Variants in ARHGAP23 observed in about 807,000 individuals in gnomAD.
ARHGAP23 encodes the protein rho GTPase-activating protein 23.
In ARHGAP23, 34 loss-of-function variants were observed where a neutral mutation model predicts 136.3. That is an observed-to-expected ratio of 0.25 (90% confidence interval 0.19 to 0.33). The LOEUF (loss-of-function observed/expected upper bound fraction) is 0.33, where lower values mean the gene tolerates loss of function less well. Among genes scored for constraint, ARHGAP23 ranks in the 10% least tolerant of loss-of-function variants. ARHGAP23 has a pLI of 1.00. For missense variants in ARHGAP23, 1,808 were observed against 2,139.0 expected (o/e 0.85, Z 3.05); for synonymous variants, 832 against 920.5 (o/e 0.90, Z 1.74).
At chr17:38,461,710 CT>C (rs11439918) in intron 3 of ARHGAP23, among the ~76,000 whole-genome samples, 121,942 of 152,082 alleles carry the variant, frequency 0.8, 49,262 homozygotes, top group East Asian at 0.97. Context: ...CTTGGAGTCC[CT>C]TGAGCCTGGG....
chr17:38,463,506 A>G (rs2039510394), intron 6 of ARHGAP23, 124 bp downstream of exon 6: 3 of 1,183,692 alleles, frequency 2.5e-6, no homozygotes, highest in Non-Finnish European at 3.6e-6. Flanking sequence ...TGGGGATGCC[A>G]GGCCCCTCCC....
At chr17:38,435,177 G>A (rs2038768533) in intron 1 of ARHGAP23, among the ~76,000 whole-genome samples, 1 of 152,182 alleles carries the variant, frequency 6.6e-6, no homozygotes, top group Admixed American at 6.5e-5. Context: ...CAGCAAGAGT[G>A]GAAGGAAGCC....
chr17:38,467,588 T>C (rs1015432386), intron 7 of ARHGAP23, among the ~76,000 whole-genome samples: 1 of 152,164 alleles, frequency 6.6e-6, no homozygotes, highest in African/African-American at 2.4e-5. Context: ...ACGCACTCTT[T>C]CTTTTTTCCC....
intron 2 of ARHGAP23, among the ~76,000 whole-genome samples, chr17:38,459,820 C>T (rs1352869059): frequency 6.6e-6 from 1 of 152,228 alleles, no homozygotes; most frequent in African/African-American, 2.4e-5. Context: ...GCCACTCTCT[C>T]GCAGTGCTGT....
At chr17:38,445,458 T>C (rs1387918715) in intron 1 of ARHGAP23, among the ~76,000 whole-genome samples, 5 of 151,884 alleles carry the variant, frequency 3.3e-5, no homozygotes, top group Non-Finnish European at 7.4e-5. Flanking sequence ...CACTCCAGCC[T>C]GAGCAACAAG....
chr17:38,466,323 G>A lies in ARHGAP23; in HGVS notation c.640G>A (p.Ala214Thr). 4 of 1,545,188 alleles carry A rather than the reference G, an allele frequency of 2.6e-6. 1 individual carries two copies. The East Asian group carries it at 9.8e-5, about 38-fold the overall frequency. ...CACTATGGTGCCTGAGCCCACCTCA[G>A]CACTGCCCAGTGACCCCCGGAGTCC... ...RATMVPEPTS[A>T]LPSDPRSPAA... is the part of the protein sequence containing the mutation. Residue 214 changes from alanine (A) to threonine (T), a missense_variant, in exon 7 of 24, where the codon GCA (alanine) becomes ACA (threonine). Transcript: ENST00000622683.
upstream of ARHGAP23, among the ~76,000 whole-genome samples, chr17:38,426,561 A>AAAAAAAAAAAAAT: frequency 6.6e-6 from 1 of 150,526 alleles, no homozygotes; most frequent in Non-Finnish European, 1.5e-5. Context: ...AAAAAAAAAA[A>AAAAAAAAAAAAAT]AAAAAAAAAA....
chr17:38,443,844 C>T (rs1469719268), intron 1 of ARHGAP23, among the ~76,000 whole-genome samples: 1 of 152,150 alleles, frequency 6.6e-6, no homozygotes, highest in Non-Finnish European at 1.5e-5. Flanking sequence ...TGAAGGAAAC[C>T]AGTGTGTGCA....
In ARHGAP23 at chr17:38,458,140, C is replaced by T. The variant is rs1269620804; in HGVS notation, c.102C>T (p.Arg34=). The T allele has an allele frequency of 5.2e-6, 8 of 1,536,018 alleles. No homozygotes were observed. In the South Asian group the frequency reaches 9.5e-5, roughly 18 times the overall value. ...LGPRDGCSPR[R]PFPWQGPRTL... ...CAAGAGATGGGTGCTCTCCTAGGCG[C>T]CCCTTCCCCTGGCAGGGGCCGAGGA... The change falls in exon 2 of 24, where the codon CGC becomes CGT. Residue 34 remains arginine, a synonymous_variant. Transcript: ENST00000622683.
chr17:38,510,776 G>A lies in ARHGAP23; in HGVS notation c.4280G>A (p.Gly1427Glu). The A allele has an allele frequency of 6.7e-7, 1 of 1,499,878 alleles. No homozygotes were observed. The highest frequency in any genetic ancestry group is 8.9e-7 in the Non-Finnish European group (1 of 1,126,710). The allele number at this position is 1,499,878 out of a possible 1,614,324, so 92.9% of individuals were successfully genotyped here. Residue 1427 changes from glycine to glutamate, a missense_variant, in exon 24 of 24, where the codon GGA (glycine) becomes GAA (glutamate). Coordinates refer to ENST00000622683, the MANE Select transcript of ARHGAP23 (RefSeq NM_001199417.2). This position sits in a 1 kb window ranked among gnomAD's most constrained non-coding sequence, Gnocchi z 4.6. Reference protein sequence around the residue: ...LNFNEWKELGGGGPPEPAGAR... With the variant: ...LNFNEWKELGEGGPPEPAGAR... The stretch of plus-strand genomic sequence containing the variant: ...TTCAACGAGTGGAAGGAGCTGGGCG[G>A]AGGGGGCCCCCCGGAGCCTGCGGGC...
Position 38,428,509 on chromosome 17 carries a change from G to A in ARHGAP23, c.24G>A (p.Leu8=). 1 of 1,456,954 alleles carries A rather than the reference G, an allele frequency of 6.9e-7. No homozygotes were observed. The highest frequency in any genetic ancestry group is 9.0e-7 in the Non-Finnish European group (1 of 1,108,254). The allele number at this position is 1,456,954 out of a possible 1,614,324, so 90.3% of individuals were successfully genotyped here. A position where few individuals can be genotyped will look rare whatever the true frequency, so the allele number is the denominator to read the frequency against. The change falls in exon 1 of 24, where the codon CTG becomes CTA. Residue 8 remains leucine (L), a synonymous_variant. Coordinates refer to ENST00000622683, the MANE Select transcript of ARHGAP23 (RefSeq NM_001199417.2). The stretch of plus-strand genomic sequence containing the variant: ...CGATGAATGGAGTCGCCTTCTGCCT[G>A]GTCGGGATCCCGCCCCGCCCGGAGC... MNGVAFC[L]VGIPPRPEPR... is the part of the protein sequence containing the mutation.
At chr17:38,492,562 A>C (rs1312313452) in intron 20 of ARHGAP23, among the ~76,000 whole-genome samples, 2 of 152,218 alleles carry the variant, frequency 1.3e-5, no homozygotes, top group Non-Finnish European at 2.9e-5. Context: ...TCCTCCTGCT[A>C]TCAACCCAAA....
intron 1 of ARHGAP23, chr17:38,451,179 C>G (rs1287557369): frequency 6.6e-6 from 1 of 152,222 alleles, no homozygotes; most frequent in East Asian, 1.9e-4. Flanking sequence ...ATCATTTATT[C>G]AAGCTACATA....
upstream of ARHGAP23, among the ~76,000 whole-genome samples, chr17:38,425,476 GGGAA>G (rs1465428951): frequency 6.6e-6 from 1 of 152,194 alleles, no homozygotes; most frequent in East Asian, 1.9e-4. Flanking sequence ...GGCCCCTCAA[GGGAA>G]GGATCTAGGC....
intron 10 of ARHGAP23, among the ~76,000 whole-genome samples, chr17:38,470,664 G>C (rs962980242): frequency 6.6e-6 from 1 of 152,070 alleles, no homozygotes; most frequent in African/African-American, 2.4e-5. Context: ...AGCCTCCCGA[G>C]CAGCTGGGAT....
Position 38,460,975 on chromosome 17 carries a change from C to A in ARHGAP23, c.253+43C>A, listed in dbSNP as rs578153829. 10 of 1,533,024 alleles carry A rather than the reference C, an allele frequency of 6.5e-6. No homozygotes were observed. The East Asian group carries it at 2.0e-4, about 30-fold the overall frequency. The allele number at this position is 1,533,024 out of a possible 1,614,324, so 95.0% of individuals were successfully genotyped here. A position where few individuals can be genotyped will look rare whatever the true frequency, so the allele number is the denominator to read the frequency against. On this transcript the variant is annotated intron_variant, in intron 3 of 23. Transcript: ENST00000622683. ...GGCGCTGGACCTGCACGGGACTCCT[C>A]TTCCAGCTCCTGTCTCTCCCTGTCC...
rs1427969270 is a variant in ARHGAP23 at position 38,512,170 on chromosome 17, CATATT to C, written c.*1202_*1206del. Reference sequence around the variant, plus strand: ...GTAAATATTGTCTCTAAATGTGTAACATATTATAAAGAATTTATAAGGATTTTTAA... The same window carrying C: ...GTAAATATTGTCTCTAAATGTGTAACATAAAGAATTTATAAGGATTTTTAA... On this transcript the variant is annotated 3_prime_UTR_variant, in exon 24 of 24. Coordinates refer to ENST00000622683, the MANE Select transcript of ARHGAP23 (RefSeq NM_001199417.2). 7.9e-5 allele frequency: 12 copies of C among 152,168 alleles called. No homozygotes were observed. The highest frequency in any genetic ancestry group is 1.6e-4 in the Non-Finnish European group (11 of 68,040). The allele number at this position is 152,168 out of a possible 1,614,324, so 9.4% of individuals were successfully genotyped here.
chr17:38,454,732 G>A (rs55719924), intron 1 of ARHGAP23, among the ~76,000 whole-genome samples: 30,433 of 152,002 alleles, frequency 0.2, 4,060 homozygotes, highest in East Asian at 0.42. Flanking sequence ...CACAGTGGGC[G>A]CCATGCCCGG....
chr17:38,476,860 C>T lies in ARHGAP23; in HGVS notation c.2119-719C>T, dbSNP rs550321842. ...TCCAGCTCCCTCCACACAAATGTCC[C>T]GTGGGGACTAGTCTCCTGGCTGTTT... On this transcript the variant is annotated intron_variant, in intron 11 of 23. Transcript: ENST00000622683. Among the ~76,000 whole-genome samples, 25 of 152,220 alleles carry T rather than the reference C, an allele frequency of 1.6e-4. No homozygotes were observed. In the South Asian group the frequency reaches 1.9e-3, roughly 11 times the overall value.
Sources: allele counts gnomAD v4.1 joint callset (sites outside exome capture counted in the v4.1 genomes callset), GRCh38; gene constraint gnomAD v4.1.1; non-coding constraint Gnocchi (gnomAD v3.1); transcripts MANE v1.5; gene names NCBI Gene and HGNC (gene_info 2026-07-23, HGNC 2026-07-21).